STARD3: variants seen among roughly 807,000 people sequenced by gnomAD.
STARD3 encodes StAR related lipid transfer domain containing 3.
STARD3 carries 39 observed loss-of-function variants against 62.0 expected under a neutral mutation model. The observed-to-expected ratio is 0.63, with a 90% CI of 0.49 to 0.82. The LOEUF is 0.82. Ranked by LOEUF, STARD3 falls within the 40% of genes least tolerant of loss-of-function variation. STARD3 has a pLI of 0.00. For synonymous variants in STARD3, 229 were observed against 242.4 expected (o/e 0.94, Z 0.51); for missense variants, 543 against 584.5 (o/e 0.93, Z 0.73).
At chr17:39,658,603 C>A in intron 6 of STARD3, 81 bp downstream of exon 6, 1 of 1,566,570 alleles carries the variant, frequency 6.4e-7, no homozygotes, top group South Asian at 1.1e-5. Context: ...GAGAGTCAGT[C>A]TGAAGCATCT....
chr17:39,657,659 G>A (rs2145013397), intron 3 of STARD3, 116 bp from the exon 4 acceptor site: 2 of 1,047,696 alleles, frequency 1.9e-6, no homozygotes, highest in South Asian at 2.7e-5. Context: ...GTTGTCCCCT[G>A]AGGTGTGCAT....
rs2057218858 is a variant in STARD3 at position 39,663,035 on chromosome 17, A to C, written c.*127A>C. On this transcript the variant is annotated 3_prime_UTR_variant, in exon 15 of 15. Coordinates refer to ENST00000336308, the MANE Select transcript of STARD3 (RefSeq NM_006804.4). ...CCAGGCTGTCACCCTCCACCGAGCC[A>C]CGCAGTGCCTGGAGTTGACTGACTG... is the stretch of plus-strand genomic sequence containing the variant. 2 of 969,384 alleles carry C rather than the reference A, an allele frequency of 2.1e-6. No homozygotes were observed. The highest frequency in any genetic ancestry group is 3.0e-6 in the Non-Finnish European group (2 of 670,884). 60.0% of individuals were successfully genotyped at this position (969,384 alleles called of 1,614,324 possible).
In STARD3 at chr17:39,660,115, C is replaced by G; in HGVS notation, c.796-96C>G. 8.0e-7 allele frequency: 1 copy of G among 1,246,730 alleles called. No homozygotes were observed. The highest frequency in any genetic ancestry group is 1.2e-6 in the Non-Finnish European group (1 of 847,374). The allele number at this position is 1,246,730 out of a possible 1,614,324, so 77.2% of individuals were successfully genotyped here. ...AACTCCTGGAGTTTTCCACCCTGAGCTGTTAAAAACCTGCCCTGCCTGTCA... is the reference window on the plus strand; with the variant it reads ...AACTCCTGGAGTTTTCCACCCTGAGGTGTTAAAAACCTGCCCTGCCTGTCA... On this transcript the variant is annotated intron_variant, in intron 9 of 14. Coordinates refer to ENST00000336308, the MANE Select transcript of STARD3 (RefSeq NM_006804.4). This position sits in a 1 kb window ranked among gnomAD's most constrained non-coding sequence, Gnocchi z 4.8.
intron 1 of STARD3, among the ~76,000 whole-genome samples, chr17:39,648,049 G>A (rs1460974809): frequency 6.6e-6 from 1 of 152,174 alleles, no homozygotes; most frequent in Non-Finnish European, 1.5e-5. Flanking sequence ...ACTTTGGGAG[G>A]CTGAGGCGGG....
chr17:39,662,236 T>A lies in STARD3; in HGVS notation c.1140-15T>A. 1 of 1,611,228 alleles carries A rather than the reference T, an allele frequency of 6.2e-7. No individual in the cohort carries two copies. On this transcript the variant is annotated splice_polypyrimidine_tract_variant and intron_variant, in intron 13 of 14. Coordinates refer to ENST00000336308, the MANE Select transcript of STARD3 (RefSeq NM_006804.4). ...CTCTGTTCCAAAGTCCCCCCAATGATGCCTCTTTCCATAGGGGAGAGAATG... is the reference window on the plus strand; with the variant it reads ...CTCTGTTCCAAAGTCCCCCCAATGAAGCCTCTTTCCATAGGGGAGAGAATG...
At chr17:39,649,569 G>T (rs1018519557) in intron 1 of STARD3, among the ~76,000 whole-genome samples, 1 of 152,174 alleles carries the variant, frequency 6.6e-6, no homozygotes, top group African/African-American at 2.4e-5. Flanking sequence ...AGAAAGAAAG[G>T]ATATAAGAAA....
chr17:39,640,654 TG>T (rs2056975451), intron 1 of STARD3, among the ~76,000 whole-genome samples: 1 of 151,016 alleles, frequency 6.6e-6, no homozygotes, highest in African/African-American at 2.4e-5. Flanking sequence ...AGAGGGCAGG[TG>T]GGGCCTGATT....
At chr17:39,661,137 A>G (rs1434417562) in intron 13 of STARD3, 52 bp downstream of exon 13, 7 of 1,543,432 alleles carry the variant, frequency 4.5e-6, no homozygotes, top group Non-Finnish European at 6.2e-6. Flanking sequence ...CCCTGGGAGC[A>G]TTGAGCAGTG....
At chr17:39,649,011 G>A (rs1259195288) in intron 1 of STARD3, among the ~76,000 whole-genome samples, 1 of 152,206 alleles carries the variant, frequency 6.6e-6, no homozygotes, top group Non-Finnish European at 1.5e-5. Flanking sequence ...CAAGGAGGGA[G>A]GGAGGGAGGA....
intron 8 of STARD3, 132 bp downstream of exon 8, chr17:39,659,238 C>G: frequency 8.2e-7 from 1 of 1,219,784 alleles, no homozygotes. Flanking sequence ...ATCCGAGTGT[C>G]TCCCCCACCA....
chr17:39,642,616 A>T (rs1401272564), intron 1 of STARD3, among the ~76,000 whole-genome samples: 1 of 152,192 alleles, frequency 6.6e-6, no homozygotes, highest in African/African-American at 2.4e-5. Flanking sequence ...CCTTACTTTC[A>T]TGGAGTTCGC....
intron 1 of STARD3, among the ~76,000 whole-genome samples, chr17:39,644,312 G>A (rs1037369705): frequency 2.0e-5 from 3 of 152,164 alleles, no homozygotes; most frequent in Admixed American, 2.0e-4. Context: ...CTCCCTGGGA[G>A]GCTAGGAGGT....
rs765100568 is a variant in STARD3, at chr17:39,660,276, G to T, written c.858+3G>T. On this transcript the variant is annotated splice_donor_region_variant and intron_variant, in intron 10 of 14. Transcript: ENST00000336308. The surrounding 1 kb of genome is among the most constrained non-coding windows in gnomAD (Gnocchi z 4.8). ...ACGGCAAGACGTTTATCCTGAAGGT[G>T]AGTGAGGGGAGCGGGTGTCCTGGAG... 2.2e-5 allele frequency: 35 copies of T among 1,613,946 alleles called. No homozygotes were observed. The highest frequency in any genetic ancestry group is 2.7e-5 in the Non-Finnish European group (32 of 1,180,042).
At chr17:39,656,977 C>A in intron 2 of STARD3, 31 bp from the exon 3 acceptor site, 1 of 1,612,530 alleles carries the variant, frequency 6.2e-7, no homozygotes, top group Non-Finnish European at 8.5e-7. Flanking sequence ...TTGCTTCTAC[C>A]TGCAGAGCTC....
chr17:39,651,759 G>T (rs569176277), intron 1 of STARD3: 1 of 152,158 alleles, frequency 6.6e-6, no homozygotes, highest in Non-Finnish European at 1.5e-5. Flanking sequence ...TAGTAGAGAC[G>T]GGTTTCACTG....
intron 1 of STARD3, among the ~76,000 whole-genome samples, chr17:39,648,347 G>T (rs942664515): frequency 6.6e-6 from 1 of 151,912 alleles, no homozygotes; most frequent in African/African-American, 2.4e-5. Context: ...TGTGCCTGTG[G>T]TCCCAGTTAC....
intron 1 of STARD3, among the ~76,000 whole-genome samples, chr17:39,642,667 A>T (rs1356293754): frequency 6.6e-6 from 1 of 152,172 alleles, no homozygotes; most frequent in Non-Finnish European, 1.5e-5. Flanking sequence ...CAGACCAGTG[A>T]ATGTATCATA....
chr17:39,650,795 CAG>C (rs1352482569), intron 1 of STARD3, among the ~76,000 whole-genome samples: 1 of 152,194 alleles, frequency 6.6e-6, no homozygotes, highest in Non-Finnish European at 1.5e-5. Context: ...GCCTGGTTGA[CAG>C]AGCAAGACCC....
Position 39,660,808 on chromosome 17 carries a change from A to G in STARD3, c.955-2A>G, listed in dbSNP as rs1465383023. 3.2e-6 allele frequency: 5 copies of G among 1,577,242 alleles called. No homozygotes were observed. The highest frequency in any genetic ancestry group is 1.7e-6 in the Non-Finnish European group (2 of 1,161,578). On this transcript the variant is annotated splice_acceptor_variant, in intron 11 of 14. Transcript: ENST00000336308. LOFTEE classifies it high-confidence loss of function. The surrounding 1 kb of genome is among the most constrained non-coding windows in gnomAD (Gnocchi z 4.8). ...CCAAAAGTCTCCGTTGACGGCCCTCAGATCCTGCAGCGAGTGGAAGACAAC... is the reference window on the plus strand; with the variant it reads ...CCAAAAGTCTCCGTTGACGGCCCTCGGATCCTGCAGCGAGTGGAAGACAAC...
Sources: allele counts gnomAD v4.1 joint callset (sites outside exome capture counted in the v4.1 genomes callset), GRCh38; gene constraint gnomAD v4.1.1; non-coding constraint Gnocchi (gnomAD v3.1); transcripts MANE v1.5; gene names NCBI Gene and HGNC (gene_info 2026-07-23, HGNC 2026-07-21).